TET1: variants seen among roughly 807,000 people sequenced by gnomAD.
The protein encoded by TET1 is methylcytosine dioxygenase TET1.
A neutral mutation model predicts 148.7 loss-of-function variants in TET1; 13 were observed. The observed-to-expected ratio is 0.09, with a 90% CI of 0.06 to 0.14. The LOEUF is 0.14. Ranked by LOEUF, TET1 falls within the 10% of genes least tolerant of loss-of-function variation. TET1 has a pLI of 1.00. For synonymous variants in TET1, 907 were observed against 937.2 expected (o/e 0.97, Z 0.59); for missense variants, 2,182 against 2,553.8 (o/e 0.85, Z 3.14).
intron 2 of TET1, among the ~76,000 whole-genome samples, chr10:68,584,206 A>T (rs981621480): frequency 2.7e-5 from 4 of 149,074 alleles, no homozygotes; most frequent in East Asian, 2.1e-4. Flanking sequence ...CACCCAGCTA[A>T]TTTTTTTTTA....
chr10:68,678,726 C>T (rs1458315754), intron 8 of TET1, among the ~76,000 whole-genome samples: 1 of 151,656 alleles, frequency 6.6e-6, no homozygotes, highest in African/African-American at 2.4e-5. Context: ...CCCCCCCACA[C>T]ACAAAAAAAG....
chr10:68,613,920 A>T (rs1160585111), intron 3 of TET1, among the ~76,000 whole-genome samples: 1 of 151,392 alleles, frequency 6.6e-6, no homozygotes, highest in East Asian at 1.9e-4. Flanking sequence ...ACTGGAGGAC[A>T]AGAGCGAGAC....
In TET1 at chr10:68,669,980, A is replaced by G. The variant is rs1160679676; in HGVS notation, c.4673+2724A>G. 2.0e-5 allele frequency among the ~76,000 whole-genome samples: 3 copies of G among 152,104 alleles called. No homozygotes were observed. The East Asian group carries it at 5.8e-4, about 29-fold the overall frequency. On this transcript the variant is annotated intron_variant, in intron 7 of 11. Coordinates refer to ENST00000373644, the MANE Select transcript of TET1 (RefSeq NM_030625.3). ...TATATACCCTTACTTAGATTCCACA[A>G]TTGTTAACACTATGTTACATTTGTT...
At chr10:68,660,483 G>A (rs981321961) in intron 6 of TET1, among the ~76,000 whole-genome samples, 1 of 151,576 alleles carries the variant, frequency 6.6e-6, no homozygotes, top group Non-Finnish European at 1.5e-5. Flanking sequence ...GGGATTACAG[G>A]TGTCCCCCAG....
intron 3 of TET1, among the ~76,000 whole-genome samples, chr10:68,629,998 G>C (rs2054546476): frequency 6.6e-6 from 1 of 152,150 alleles, no homozygotes; most frequent in South Asian, 2.1e-4. Flanking sequence ...GAAAATATTT[G>C]TCAGAACAAC....
chr10:68,590,946 C>T (rs1367081116), intron 2 of TET1, among the ~76,000 whole-genome samples: 1 of 152,018 alleles, frequency 6.6e-6, no homozygotes, highest in Non-Finnish European at 1.5e-5. Flanking sequence ...ACCTCCACCT[C>T]CCAGGTTCAA....
chr10:68,681,828 G>T (rs1307893666), intron 9 of TET1, among the ~76,000 whole-genome samples: 1 of 151,806 alleles, frequency 6.6e-6, no homozygotes, highest in Non-Finnish European at 1.5e-5. Context: ...TTAGCTGGGT[G>T]TGGTGGGTGT....
intron 3 of TET1, among the ~76,000 whole-genome samples, chr10:68,612,109 T>G (rs1238223057): frequency 6.6e-6 from 1 of 150,974 alleles, no homozygotes; most frequent in East Asian, 2.0e-4. Flanking sequence ...TTTTTTTATT[T>G]GACAGAGTCT....
intron 3 of TET1, among the ~76,000 whole-genome samples, chr10:68,643,322 A>G (rs913396613): frequency 4.6e-5 from 7 of 151,886 alleles, no homozygotes; most frequent in Non-Finnish European, 7.4e-5. Context: ...GTTACTCTAA[A>G]GACCCAAACA....
intron 7 of TET1, among the ~76,000 whole-genome samples, chr10:68,669,634 G>A (rs779596488): frequency 1.7e-4 from 26 of 151,466 alleles, no homozygotes; most frequent in Middle Eastern, 3.4e-3. Flanking sequence ...GATTACAGGC[G>A]TGAGCCACCA....
intron 9 of TET1, 31 bp downstream of exon 9, chr10:68,681,519 T>C: frequency 6.7e-7 from 1 of 1,499,138 alleles, no homozygotes; most frequent in Non-Finnish European, 9.2e-7. Context: ...TTTATTTATT[T>C]ATTAATTTGA....
intron 2 of TET1, among the ~76,000 whole-genome samples, chr10:68,578,425 A>G (rs575283296): frequency 6.6e-6 from 1 of 151,988 alleles, no homozygotes; most frequent in East Asian, 1.9e-4. Flanking sequence ...TGCCCGGCTA[A>G]TTTTTGTATT....
intron 8 of TET1, among the ~76,000 whole-genome samples, chr10:68,679,289 G>A (rs2055404975): frequency 6.6e-6 from 1 of 152,186 alleles, no homozygotes; most frequent in African/African-American, 2.4e-5. Flanking sequence ...CACAATAAAT[G>A]AGGTAATTTG....
chr10:68,637,634 C>T (rs1178562265), intron 3 of TET1, among the ~76,000 whole-genome samples: 2 of 148,282 alleles, frequency 1.3e-5, no homozygotes, highest in Admixed American at 6.9e-5. Flanking sequence ...CAAGAGATCT[C>T]GTGGTCGGGC....
chr10:68,576,861 C>T (rs577325699), intron 2 of TET1, among the ~76,000 whole-genome samples: 1 of 152,106 alleles, frequency 6.6e-6, no homozygotes, highest in South Asian at 2.1e-4. Flanking sequence ...CTTGCTTCAA[C>T]CTCCTGCATA....
At chr10:68,630,224 G>A (rs1426358668) in intron 3 of TET1, among the ~76,000 whole-genome samples, 10 of 152,156 alleles carry the variant, frequency 6.6e-5, no homozygotes, top group Non-Finnish European at 1.5e-4. Flanking sequence ...TATTTTGAGA[G>A]GAGCCTTGGG....
intron 2 of TET1, among the ~76,000 whole-genome samples, chr10:68,590,168 A>C (rs935393344): frequency 4.6e-5 from 7 of 151,824 alleles, no homozygotes; most frequent in African/African-American, 1.5e-4. Flanking sequence ...TCTGGAGTGC[A>C]GTAGTGTGAT....
At chr10:68,635,070 G>A (rs2054630617) in intron 3 of TET1, among the ~76,000 whole-genome samples, 1 of 151,086 alleles carries the variant, frequency 6.6e-6, no homozygotes, top group African/African-American at 2.4e-5. Flanking sequence ...TGGGATTACA[G>A]GCATGAGCCA....
rs749405322 is a variant in TET1 at position 68,691,160 on chromosome 10, G to T, written c.5757G>T (p.Glu1919Asp). 6.2e-7 allele frequency: 1 copy of T among 1,614,152 alleles called. No homozygotes were observed. The highest frequency in any genetic ancestry group is 8.5e-7 in the Non-Finnish European group (1 of 1,180,036). Residue 1919 changes from glutamate (E) to aspartate (D), a missense_variant, in exon 12 of 12, where the codon GAG (glutamate) becomes GAT (aspartate). Coordinates refer to ENST00000373644, the MANE Select transcript of TET1 (RefSeq NM_030625.3). This position sits in a 1 kb window ranked among gnomAD's most constrained non-coding sequence, Gnocchi z 4.4. ...PLPTLSAPVM[E>D]PLINSEPSTG... Reference sequence around the variant, plus strand: ...CCACCCTGTCTGCTCCTGTGATGGAGCCCCTCATTAATTCTGAGCCTTCCA... The same window carrying T: ...CCACCCTGTCTGCTCCTGTGATGGATCCCCTCATTAATTCTGAGCCTTCCA...
Sources: allele counts gnomAD v4.1 joint callset (sites outside exome capture counted in the v4.1 genomes callset), GRCh38; gene constraint gnomAD v4.1.1; non-coding constraint Gnocchi (gnomAD v3.1); transcripts MANE v1.5; gene names NCBI Gene and HGNC (gene_info 2026-07-23, HGNC 2026-07-21).